The following ADGRL2 variants were observed in gnomAD, a reference collection of about 807,000 sequenced individuals.
ADGRL2 encodes adhesion G protein-coupled receptor L2.
Under a neutral mutation model 157.4 loss-of-function variants are expected in ADGRL2, and 44 were observed. That is an observed-to-expected ratio of 0.28 (90% confidence interval 0.22 to 0.36). The LOEUF (loss-of-function observed/expected upper bound fraction) is 0.36. ADGRL2 is among the 10% of genes least tolerant of loss of function. The pLI is 1.00. For synonymous variants in ADGRL2, 585 were observed against 624.7 expected, an observed-to-expected ratio of 0.94 and a Z score of 0.95; for missense variants, 1,510 against 1,768.9, an observed-to-expected ratio of 0.85 and a Z score of 2.63.
chr1:81,655,364 T>A (rs549536998), intron 3 of ADGRL2, among the ~76,000 whole-genome samples: 2 of 152,114 alleles, frequency 1.3e-5, no homozygotes, highest in Non-Finnish European at 2.9e-5. Context: ...CTGAAGCTCA[T>A]AAAGGTTAAG....
In ADGRL2 at chr1:81,904,718, G is replaced by A. The variant is rs111783933; in HGVS notation, c.74-2299G>A. Among the ~76,000 whole-genome samples the A allele has an allele frequency of 9.2e-3, 1,400 of 152,282 alleles. 23 individuals are homozygous for A. Among genetic ancestry groups the A allele is most frequent in the African/African-American group, 0.032 (1,337 of 41,564 alleles). ...AGGTCAAGGGTTCGAGACCAGCCTG[G>A]CCAACATGGTGAAACCTTGTCTCTA... is the stretch of plus-strand genomic sequence containing the variant. On this transcript the variant is annotated intron_variant, in intron 2 of 23. Coordinates refer to ENST00000686636, the MANE Select transcript of ADGRL2 (RefSeq NM_001366006.2).
intron 3 of ADGRL2, among the ~76,000 whole-genome samples, chr1:81,636,064 A>G (rs1251187263): frequency 1.3e-5 from 2 of 152,120 alleles, no homozygotes; most frequent in African/African-American, 4.8e-5. Flanking sequence ...CCCCTAAAAC[A>G]GTATCCAGAC....
At chr1:81,486,963 A>G (rs2078516908) in intron 2 of ADGRL2, among the ~76,000 whole-genome samples, 1 of 152,064 alleles carries the variant, frequency 6.6e-6, no homozygotes, top group Non-Finnish European at 1.5e-5. Flanking sequence ...AAACAAAGAA[A>G]TATAAAAGTG....
intron 3 of ADGRL2, among the ~76,000 whole-genome samples, chr1:81,591,442 C>T (rs2081131480): frequency 6.6e-6 from 1 of 152,186 alleles, no homozygotes; most frequent in South Asian, 2.1e-4. Flanking sequence ...TTTCTAGCTA[C>T]AAGAGAAGAA....
At chr1:81,736,796 T>A (rs929902973) in intron 1 of ADGRL2, among the ~76,000 whole-genome samples, 2 of 152,158 alleles carry the variant, frequency 1.3e-5, no homozygotes, top group African/African-American at 4.8e-5. Flanking sequence ...CATCTATTTA[T>A]AAGGTTTGCC....
chr1:81,844,867 G>T (rs1490746603), intron 2 of ADGRL2, among the ~76,000 whole-genome samples: 1 of 152,062 alleles, frequency 6.6e-6, no homozygotes, highest in Non-Finnish European at 1.5e-5. Context: ...TTTTATGTCT[G>T]CCATAATTCT....
chr1:81,323,635 C>G (rs559376675), intron 1 of ADGRL2, among the ~76,000 whole-genome samples: 2 of 151,648 alleles, frequency 1.3e-5, no homozygotes, highest in Non-Finnish European at 1.5e-5. Flanking sequence ...CACAAAGAAA[C>G]CTTTGATAAC....
At chr1:81,901,582 A>G (rs989046) in intron 2 of ADGRL2, among the ~76,000 whole-genome samples, 1 of 144,230 alleles carries the variant, frequency 6.9e-6, no homozygotes, top group African/African-American at 2.6e-5. Flanking sequence ...ATATATATAT[A>G]TTTTTTTTTT....
chr1:81,850,619 A>G (rs1052544520), intron 2 of ADGRL2, among the ~76,000 whole-genome samples: 15 of 151,868 alleles, frequency 9.9e-5, no homozygotes, highest in African/African-American at 3.1e-4. Context: ...GTTCTTTAGT[A>G]TACTTTTTGA....
At chr1:81,466,728 A>G (rs1034960655) in intron 2 of ADGRL2, among the ~76,000 whole-genome samples, 6 of 152,104 alleles carry the variant, frequency 3.9e-5, no homozygotes, top group Non-Finnish European at 8.8e-5. Flanking sequence ...AATTGATAAT[A>G]TGGCTCATGG....
At chr1:81,489,413 T>G (rs1023377455) in intron 2 of ADGRL2, among the ~76,000 whole-genome samples, 1 of 151,856 alleles carries the variant, frequency 6.6e-6, no homozygotes, top group Non-Finnish European at 1.5e-5. Flanking sequence ...AATTATTGAG[T>G]CTGAGGAACA....
intron 2 of ADGRL2, among the ~76,000 whole-genome samples, chr1:81,512,991 G>GA (rs1226771584): frequency 6.6e-6 from 1 of 151,886 alleles, no homozygotes; most frequent in Non-Finnish European, 1.5e-5. Flanking sequence ...ATCTGATAGA[G>GA]AAAAATGCAT....
In ADGRL2 at chr1:81,864,783, G is replaced by A. The variant is rs190960507; in HGVS notation, c.73+27726G>A. 2.4e-4 allele frequency among the ~76,000 whole-genome samples: 37 copies of A among 152,164 alleles called. No individual in the cohort carries two copies. The East Asian group carries it at 6.4e-3, about 26-fold the overall frequency. On this transcript the variant is annotated intron_variant, in intron 2 of 23. Transcript: ENST00000686636. The stretch of plus-strand genomic sequence containing the variant: ...TTGAGAAAAGCCTGGCCAACATGGC[G>A]AAACCCCATTTCTACTAAAAAACAA...
Position 81,990,600 on chromosome 1 carries a change from C to T in ADGRL2, c.3865C>T (p.His1289Tyr), listed in dbSNP as rs1490258060. 1.2e-6 allele frequency: 2 copies of T among 1,614,138 alleles called. No homozygotes were observed. Among genetic ancestry groups the T allele is most frequent in the South Asian group, 2.2e-5 (2 of 91,080 alleles). Residue 1289 changes from histidine to tyrosine, a missense_variant, in exon 24 of 24, where the codon CAC becomes TAC. Transcript: ENST00000686636. ...CAACTTACGGGGCAGCAGCAAGACTCACAACCTCGAGCTCACGCTACCAGT... is the reference window on the plus strand; with the variant it reads ...CAACTTACGGGGCAGCAGCAAGACTTACAACCTCGAGCTCACGCTACCAGT... ...HNNLRGSSKTHNLELTLPVKP... is the reference protein window; with the variant it reads ...HNNLRGSSKTYNLELTLPVKP...
At chr1:81,767,567 T>G (rs1194793848) in intron 2 of ADGRL2, among the ~76,000 whole-genome samples, 1 of 152,130 alleles carries the variant, frequency 6.6e-6, no homozygotes, top group African/African-American at 2.4e-5. Context: ...AGTCTCTAGA[T>G]GCCTACTTAA....
chr1:81,953,774 G>A (rs1180033297), intron 10 of ADGRL2, among the ~76,000 whole-genome samples: 12 of 152,038 alleles, frequency 7.9e-5, no homozygotes, highest in Non-Finnish European at 1.8e-4. Flanking sequence ...GTTCCTTTTG[G>A]GGAGATATTA....
chr1:81,705,963 C>A (rs1421340014), intron 1 of ADGRL2, among the ~76,000 whole-genome samples: 1 of 152,020 alleles, frequency 6.6e-6, no homozygotes, highest in Non-Finnish European at 1.5e-5. Flanking sequence ...GTAATCCCAG[C>A]ACTTTGGGAG....
intron 17 of ADGRL2, among the ~76,000 whole-genome samples, chr1:81,974,010 A>G (rs1159416306): frequency 1.3e-5 from 2 of 152,176 alleles, no homozygotes; most frequent in East Asian, 3.9e-4. Flanking sequence ...AATCTTAATA[A>G]TATAGATTGT....
intron 3 of ADGRL2, among the ~76,000 whole-genome samples, chr1:81,606,151 C>T (rs1254417904): frequency 1.3e-5 from 2 of 152,062 alleles, no homozygotes; most frequent in African/African-American, 2.4e-5. Context: ...GCTCAAGCAG[C>T]TTTTTTTAGA....
Sources: allele counts gnomAD v4.1 joint callset (sites outside exome capture counted in the v4.1 genomes callset), GRCh38; gene constraint gnomAD v4.1.1; transcripts MANE v1.5; gene names NCBI Gene and HGNC (gene_info 2026-07-23, HGNC 2026-07-21).